The following PCBP4 variants were observed in gnomAD, a reference collection of about 807,000 sequenced individuals.
PCBP4 encodes poly(rC)-binding protein 4.
Under a neutral mutation model 46.2 loss-of-function variants are expected in PCBP4, and 24 were observed. The ratio of observed to expected loss-of-function variants is 0.52; its 90% CI spans 0.38 to 0.73. PCBP4 has a LOEUF of 0.73. Among genes scored for constraint, PCBP4 ranks in the 30% least tolerant of loss-of-function variants. The pLI, the probability that PCBP4 is intolerant of heterozygous loss-of-function variation, is 0.00. For synonymous variants in PCBP4, 203 were observed against 224.4 expected (o/e 0.90, Z 0.85); for missense variants, 407 against 537.0 (o/e 0.76, Z 2.39).
In PCBP4 at chr3:51,960,841, C is replaced by T; in HGVS notation, c.138+25G>A. On this transcript the variant is annotated intron_variant, in intron 5 of 13. Coordinates refer to ENST00000461554, the MANE Select transcript of PCBP4 (RefSeq NM_001174100.2). This position sits in a 1 kb window ranked among gnomAD's most constrained non-coding sequence, Gnocchi z 5.0. Reference sequence around the variant, plus strand: ...TCCCCTCCACATCAGGTGCCCTGGGCTCCTCCCCCAAACTCCATCCTCACC... The same window carrying T: ...TCCCCTCCACATCAGGTGCCCTGGGTTCCTCCCCCAAACTCCATCCTCACC... 3 of 1,613,472 alleles carry T rather than the reference C, an allele frequency of 1.9e-6. No homozygotes were observed. Among genetic ancestry groups the T allele is most frequent in the South Asian group, 2.2e-5 (2 of 91,076 alleles).
Position 51,960,351 on chromosome 3 carries a change from C to T in PCBP4, c.256-31G>A, listed in dbSNP as rs1435295429. Reference sequence around the variant, plus strand: ...ACAGGGAGACGGTGGGTTGGCCATGCTCGTCCCTGCTATATCTGCCCAGGG... The same window carrying T: ...ACAGGGAGACGGTGGGTTGGCCATGTTCGTCCCTGCTATATCTGCCCAGGG... On this transcript the variant is annotated intron_variant, in intron 6 of 13. Transcript: ENST00000461554. The surrounding 1 kb of genome is among the most constrained non-coding windows in gnomAD (Gnocchi z 5.0). The T allele has an allele frequency of 6.2e-7, 1 of 1,606,204 alleles. No individual in the cohort carries two copies. Among genetic ancestry groups the T allele is most frequent in the Non-Finnish European group, 8.5e-7 (1 of 1,175,726 alleles).
chr3:51,960,866 C>T lies in PCBP4; in HGVS notation c.138G>A (p.Gln46=). 1 of 1,614,202 alleles carries T rather than the reference C, an allele frequency of 6.2e-7. No individual in the cohort carries two copies. Among genetic ancestry groups the T allele is most frequent in the Non-Finnish European group, 8.5e-7 (1 of 1,180,034 alleles). ...CTCCTCCCCCAAACTCCATCCTCAC[C>T]TGCTCCCGGATTCGCTTTACAGTCT... ...KGETVKRIRE[Q]SSARITISEG... is the part of the protein sequence containing the mutation. Residue 46 remains glutamine, a splice_region_variant and synonymous_variant, in exon 5 of 14, where the codon CAG becomes CAA. Transcript: ENST00000461554. The surrounding 1 kb of genome is among the most constrained non-coding windows in gnomAD (Gnocchi z 5.0).
In PCBP4 at chr3:51,958,607, G is replaced by C. The variant is rs568308192; in HGVS notation, c.923+183C>G. On this transcript the variant is annotated intron_variant, in intron 13 of 13. Coordinates refer to ENST00000461554, the MANE Select transcript of PCBP4 (RefSeq NM_001174100.2). The surrounding 1 kb of genome is among the most constrained non-coding windows in gnomAD (Gnocchi z 5.4). ...TGGAGAATGAGAGGTGGATATAGAG[G>C]GGGGAGATGGGGCAACAGAGGGTGA... Among the ~76,000 whole-genome samples, 1 of 151,788 alleles carries C rather than the reference G, an allele frequency of 6.6e-6. No homozygotes were observed. Among genetic ancestry groups the C allele is most frequent in the African/African-American group, 2.4e-5 (1 of 41,264 alleles).
rs2106749475 is a variant in PCBP4, at chr3:51,961,411, G to T, written c.-64-107C>A. On this transcript the variant is annotated intron_variant, in intron 2 of 13. Transcript: ENST00000461554. ...GCTAGTCAAACTCCCAGAGGAAAGA[G>T]ACTGCATGGACCTTGAGCGCCACAC... 6 of 1,250,026 alleles carry T rather than the reference G, an allele frequency of 4.8e-6. No individual in the cohort carries two copies. The South Asian group carries it at 9.2e-5, about 19-fold the overall frequency. The allele number at this position is 1,250,026 out of a possible 1,614,324, so 77.4% of individuals were successfully genotyped here.
In PCBP4 at chr3:51,959,128, G is replaced by A. The variant is rs1462223711; in HGVS notation, c.701-29C>T. The A allele has an allele frequency of 1.9e-6, 3 of 1,613,660 alleles. No homozygotes were observed. Among genetic ancestry groups the A allele is most frequent in the Non-Finnish European group, 2.5e-6 (3 of 1,179,766 alleles). ...AGGGGGAGAAGAGGGACTGAGTGTG[G>A]TTCTGGGCCTTTCCCGCCCCACCAT... On this transcript the variant is annotated intron_variant, in intron 11 of 13. Coordinates refer to ENST00000461554, the MANE Select transcript of PCBP4 (RefSeq NM_001174100.2). This position sits in a 1 kb window ranked among gnomAD's most constrained non-coding sequence, Gnocchi z 5.6.
chr3:51,965,702 C>T (rs528739894), intron 1 of PCBP4, among the ~76,000 whole-genome samples: 1 of 152,230 alleles, frequency 6.6e-6, no homozygotes, highest in East Asian at 1.9e-4. Context: ...AGTGAGAAGA[C>T]CCAGACATGA....
Position 51,958,071 on chromosome 3 carries a change from G to A in PCBP4, c.1202C>T (p.Ser401Phe). The change falls in exon 14 of 14, where the codon TCC (serine) becomes TTC (phenylalanine). Residue 401 changes from serine (S) to phenylalanine (F), a missense_variant. Ser to Phe is a radical substitution (Grantham distance 155). Transcript: ENST00000461554. This position sits in a 1 kb window ranked among gnomAD's most constrained non-coding sequence, Gnocchi z 5.4. ...GTACCTCAGCTGGCCTCAGTAGGGG[G>A]AGAATTTCTGCCGCTCAGCCTTCTT... ...GSKKAERQKF[S>F]PY is the part of the protein sequence containing the mutation. 1.9e-6 allele frequency: 3 copies of A among 1,550,274 alleles called. No homozygotes were observed. The highest frequency in any genetic ancestry group is 2.6e-6 in the Non-Finnish European group (3 of 1,150,130).
chr3:51,958,297 C>A lies in PCBP4; in HGVS notation c.976G>T (p.Asp326Tyr). 6.5e-7 allele frequency: 1 copy of A among 1,544,118 alleles called. No homozygotes were observed. The highest frequency in any genetic ancestry group is 8.7e-7 in the Non-Finnish European group (1 of 1,146,976). Reference sequence around the variant, plus strand: ...GGTGGCGAGAAGGGGGCAGGCAGGTCTGCGGGGGCCGAGCTGGGCGTCCCC... The same window carrying A: ...GGTGGCGAGAAGGGGGCAGGCAGGTATGCGGGGGCCGAGCTGGGCGTCCCC... ...SGGTPSSAPADLPAPFSPPLT... is the reference protein window; with the variant it reads ...SGGTPSSAPAYLPAPFSPPLT... Residue 326 changes from aspartate (D) to tyrosine (Y), a missense_variant, in exon 14 of 14, where the codon GAC becomes TAC. Asp to Tyr is a radical substitution (Grantham distance 160, BLOSUM62 -3). Coordinates refer to ENST00000461554, the MANE Select transcript of PCBP4 (RefSeq NM_001174100.2). The surrounding 1 kb of genome is among the most constrained non-coding windows in gnomAD (Gnocchi z 5.4).
intron 1 of PCBP4, among the ~76,000 whole-genome samples, chr3:51,962,320 T>C (rs1577688048): frequency 6.6e-6 from 1 of 152,154 alleles, no homozygotes; most frequent in Admixed American, 6.6e-5. Context: ...GATTAGCTGC[T>C]GGGATTAGCT....
Position 51,958,843 on chromosome 3 carries a change from G to A in PCBP4, c.870C>T (p.Thr290=). 1 of 1,613,916 alleles carries A rather than the reference G, an allele frequency of 6.2e-7. No individual in the cohort carries two copies. The highest frequency in any genetic ancestry group is 8.5e-7 in the Non-Finnish European group (1 of 1,179,936). ...QAEGAGERHV[T]ITGSPVSIAL... ...CGATGGAGACCGGAGAGCCAGTGATGGTGACATGCCGCTCCCCAGCGCCCT... is the reference window on the plus strand; with the variant it reads ...CGATGGAGACCGGAGAGCCAGTGATAGTGACATGCCGCTCCCCAGCGCCCT... The change falls in exon 13 of 14, where the codon ACC becomes ACT. Residue 290 remains threonine, a synonymous_variant. Transcript: ENST00000461554. This position sits in a 1 kb window ranked among gnomAD's most constrained non-coding sequence, Gnocchi z 5.4.
intron 1 of PCBP4, among the ~76,000 whole-genome samples, chr3:51,964,829 C>T (rs1261418223): frequency 2.0e-5 from 3 of 152,220 alleles, no homozygotes; most frequent in Non-Finnish European, 4.4e-5. Flanking sequence ...AGCCAATCAT[C>T]TACAGTTGGG....
Position 51,958,861 on chromosome 3 carries a change from A to C in PCBP4, c.852T>G (p.Ala284=). Residue 284 remains alanine (A), a synonymous_variant, in exon 13 of 14, where the codon GCT becomes GCG. Transcript: ENST00000461554. This position sits in a 1 kb window ranked among gnomAD's most constrained non-coding sequence, Gnocchi z 5.4. ...CAGTGATGGTGACATGCCGCTCCCC[A>C]GCGCCCTCTGCTTGGTTCCCGATCT... The part of the protein sequence containing the change: ...HIKIGNQAEG[A]GERHVTITGS... The C allele has an allele frequency of 6.2e-7, 1 of 1,613,934 alleles. No homozygotes were observed. Among genetic ancestry groups the C allele is most frequent in the Non-Finnish European group, 8.5e-7 (1 of 1,179,936 alleles).
At chr3:51,961,110 ACCCAG>A in intron 3 of PCBP4, 45 bp downstream of exon 3, 2 of 1,613,628 alleles carry the variant, frequency 1.2e-6, no homozygotes, top group Non-Finnish European at 1.7e-6. Context: ...ACCCAGTGAA[ACCCAG>A]CCCAGCCCAG....
At chr3:51,963,878 G>A (rs1365497730) in intron 1 of PCBP4, among the ~76,000 whole-genome samples, 11 of 152,208 alleles carry the variant, frequency 7.2e-5, no homozygotes, top group Admixed American at 3.9e-4. Flanking sequence ...TAGGGCCCAA[G>A]GAACGAGCAG....
In PCBP4 at chr3:51,957,945, C is replaced by A. The variant is rs958937001; in HGVS notation, c.*116G>T. Reference sequence around the variant, plus strand: ...AGGCAGGGTAGGGGGTGCATCCATGCGTCTGGGCGTTAGCGGCGTTTGGGA... The same window carrying A: ...AGGCAGGGTAGGGGGTGCATCCATGAGTCTGGGCGTTAGCGGCGTTTGGGA... On this transcript the variant is annotated 3_prime_UTR_variant, in exon 14 of 14. Coordinates refer to ENST00000461554, the MANE Select transcript of PCBP4 (RefSeq NM_001174100.2). 1 of 928,852 alleles carries A rather than the reference C, an allele frequency of 1.1e-6. No homozygotes were observed. Among genetic ancestry groups the A allele is most frequent in the Non-Finnish European group, 1.6e-6 (1 of 620,020 alleles). The allele number at this position is 928,852 out of a possible 1,614,324, so 57.5% of individuals were successfully genotyped here.
chr3:51,961,121 C>T, intron 3 of PCBP4, 39 bp downstream of exon 3: 2 of 1,613,906 alleles, frequency 1.2e-6, no homozygotes, highest in Non-Finnish European at 1.7e-6. Flanking sequence ...CCCAGCCCAG[C>T]CCAGCCTTGC....
At position 51,958,987 on chromosome 3, in the gene PCBP4, G is replaced by A. The variant is rs768393055; in HGVS notation, c.754-28C>T. On this transcript the variant is annotated intron_variant, in intron 12 of 13. Coordinates refer to ENST00000461554, the MANE Select transcript of PCBP4 (RefSeq NM_001174100.2). The surrounding 1 kb of genome is among the most constrained non-coding windows in gnomAD (Gnocchi z 5.4). ...AGAGGGAAGGCAGAATTCAGCCCTGGGTGAGGTCCAGACCCCCAGACCCCC... is the reference window on the plus strand; with the variant it reads ...AGAGGGAAGGCAGAATTCAGCCCTGAGTGAGGTCCAGACCCCCAGACCCCC... The A allele has an allele frequency of 2.8e-5, 45 of 1,613,600 alleles. No homozygotes were observed. Among genetic ancestry groups the A allele is most frequent in the Non-Finnish European group, 3.4e-5 (40 of 1,179,816 alleles).
intron 1 of PCBP4, among the ~76,000 whole-genome samples, chr3:51,963,798 ACT>A: frequency 6.6e-6 from 1 of 151,786 alleles, no homozygotes; most frequent in Non-Finnish European, 1.5e-5. Flanking sequence ...GGTCTGAGAG[ACT>A]CTCAAGGTCT....
Position 51,957,995 on chromosome 3 carries a change from G to C in PCBP4, c.*66C>G. ...ACCCCAGGGTGGAGTCTCCTTGGGCGGGTAGGGTGCAGAGGCAGCCCCCTG... is the reference window on the plus strand; with the variant it reads ...ACCCCAGGGTGGAGTCTCCTTGGGCCGGTAGGGTGCAGAGGCAGCCCCCTG... On this transcript the variant is annotated 3_prime_UTR_variant, in exon 14 of 14. Coordinates refer to ENST00000461554, the MANE Select transcript of PCBP4 (RefSeq NM_001174100.2). 3 of 1,435,134 alleles carry C rather than the reference G, an allele frequency of 2.1e-6. No individual in the cohort carries two copies. The highest frequency in any genetic ancestry group is 4.9e-5 in the East Asian group (2 of 41,234). The allele number at this position is 1,435,134 out of a possible 1,614,324, so 88.9% of individuals were successfully genotyped here.
Sources: allele counts gnomAD v4.1 joint callset (sites outside exome capture counted in the v4.1 genomes callset), GRCh38; gene constraint gnomAD v4.1.1; non-coding constraint Gnocchi (gnomAD v3.1); transcripts MANE v1.5; gene names NCBI Gene and HGNC (gene_info 2026-07-23, HGNC 2026-07-21).